ADK: variants seen among roughly 807,000 people sequenced by gnomAD.
The protein encoded by ADK is adenosine kinase.
Under a neutral mutation model 44.7 loss-of-function variants are expected in ADK, and 24 were observed. The ratio of observed to expected loss-of-function variants is 0.54; its 90% CI spans 0.39 to 0.76. The LOEUF (loss-of-function observed/expected upper bound fraction) is 0.76, where lower values mean the gene tolerates loss of function less well. Among genes scored for constraint, ADK ranks in the 30% least tolerant of loss-of-function variants. The pLI is 0.00. For synonymous variants in ADK, 128 were observed against 142.6 expected (o/e 0.90, Z 0.73); for missense variants, 321 against 425.1 (o/e 0.76, Z 2.15).
At chr10:74,234,109 T>G (rs1844876616) in intron 3 of ADK, among the ~76,000 whole-genome samples, 2 of 152,224 alleles carry the variant, frequency 1.3e-5, no homozygotes. Flanking sequence ...CCAACACTAT[T>G]TCCCCTTAAG....
chr10:74,476,550 A>G (rs552038846), intron 6 of ADK, among the ~76,000 whole-genome samples: 2 of 152,192 alleles, frequency 1.3e-5, no homozygotes, highest in Admixed American at 6.5e-5. Context: ...ACCAGAATAC[A>G]ATGCTTATAT....
At chr10:74,501,507 C>A (rs1299859533) in intron 6 of ADK, among the ~76,000 whole-genome samples, 1 of 152,160 alleles carries the variant, frequency 6.6e-6, no homozygotes, top group East Asian at 1.9e-4. Flanking sequence ...TTCAGAATAT[C>A]CCTTTAAATC....
intron 9 of ADK, among the ~76,000 whole-genome samples, chr10:74,652,631 G>A (rs1232217023): frequency 1.3e-5 from 2 of 151,560 alleles, no homozygotes; most frequent in African/African-American, 4.8e-5. Context: ...GTAGTGGTGG[G>A]CGCCTATAAT....
chr10:74,291,643 T>C (rs930863444), intron 3 of ADK, among the ~76,000 whole-genome samples: 1 of 151,786 alleles, frequency 6.6e-6, no homozygotes. Context: ...TATTGAAGTA[T>C]TGATTTTTTT....
At chr10:74,413,338 CTT>C (rs1844252810) in intron 6 of ADK, among the ~76,000 whole-genome samples, 1 of 152,150 alleles carries the variant, frequency 6.6e-6, no homozygotes, top group South Asian at 2.1e-4. Context: ...GTAGAAGACT[CTT>C]TTGTCTATGT....
intron 6 of ADK, among the ~76,000 whole-genome samples, chr10:74,504,755 C>A (rs1208292818): frequency 6.6e-6 from 1 of 151,948 alleles, no homozygotes; most frequent in Non-Finnish European, 1.5e-5. Flanking sequence ...CTCGTGGAAC[C>A]TGTTAGTTTT....
At chr10:74,479,789 C>A (rs950792615) in intron 6 of ADK, among the ~76,000 whole-genome samples, 14 of 152,074 alleles carry the variant, frequency 9.2e-5, no homozygotes, top group African/African-American at 3.4e-4. Context: ...TCCTTTGATT[C>A]TCACCTATTA....
At chr10:74,204,333 A>C (rs1245238317) in intron 2 of ADK, among the ~76,000 whole-genome samples, 5 of 152,122 alleles carry the variant, frequency 3.3e-5, no homozygotes, top group African/African-American at 1.2e-4. Context: ...GGTTAAATTT[A>C]ATTTTATTAT....
In ADK at chr10:74,189,971, T is replaced by G. The variant is rs146357897; in HGVS notation, c.66-10793T>G. 3.4e-3 allele frequency among the ~76,000 whole-genome samples: 519 copies of G among 152,336 alleles called. 1 individual carries two copies. Among genetic ancestry groups the G allele is most frequent in the African/African-American group, 0.012 (480 of 41,582 alleles). Reference sequence around the variant, plus strand: ...GAAATAATATTTCATTGTATAGATATGCCCCAATTTATCCATTTATCACTT... The same window carrying G: ...GAAATAATATTTCATTGTATAGATAGGCCCCAATTTATCCATTTATCACTT... On this transcript the variant is annotated intron_variant, in intron 1 of 10. Transcript: ENST00000539909.
At chr10:74,692,843 T>C (rs1856042758) in intron 10 of ADK, among the ~76,000 whole-genome samples, 1 of 152,210 alleles carries the variant, frequency 6.6e-6, no homozygotes. Flanking sequence ...AAGTACACTC[T>C]GATGTTTTCA....
chr10:74,364,940 GAC>G (rs1417021876), intron 4 of ADK, among the ~76,000 whole-genome samples: 1 of 151,774 alleles, frequency 6.6e-6, no homozygotes, highest in Non-Finnish European at 1.5e-5. Flanking sequence ...TAGATTACAG[GAC>G]AATTTTCCTC....
At chr10:74,662,872 C>T (rs528389687) in intron 9 of ADK, among the ~76,000 whole-genome samples, 1 of 152,288 alleles carries the variant, frequency 6.6e-6, no homozygotes, top group Non-Finnish European at 1.5e-5. Context: ...TGTAAATTAA[C>T]TCCCCTCCCT....
At chr10:74,359,909 A>G (rs1410757560) in intron 4 of ADK, among the ~76,000 whole-genome samples, 1 of 151,640 alleles carries the variant, frequency 6.6e-6, no homozygotes, top group Non-Finnish European at 1.5e-5. Flanking sequence ...GCTATTGTAA[A>G]TGGTTTGCTT....
intron 1 of ADK, 82 bp downstream of exon 1, chr10:74,151,425 C>A: frequency 6.9e-7 from 1 of 1,445,418 alleles, no homozygotes; most frequent in Non-Finnish European, 9.5e-7. Context: ...GGCCCCGACG[C>A]TGGGTGGTGT....
In ADK at chr10:74,181,291, ACTTTT is replaced by A. The variant is rs980257169; in HGVS notation, c.66-19467_66-19463del. Among the ~76,000 whole-genome samples, 55 of 151,804 alleles carry A rather than the reference ACTTTT, an allele frequency of 3.6e-4. 1 individual carries two copies. The highest frequency in any genetic ancestry group is 7.4e-5 in the Non-Finnish European group (5 of 67,970). ...TCCTAAATAATAATTTTAAATGAAA[ACTTTT>A]CTTTTTTTTTAACTTAAGATCTTTG... On this transcript the variant is annotated intron_variant, in intron 1 of 10. Transcript: ENST00000539909.
At chr10:74,673,268 A>C (rs1227923467) in intron 10 of ADK, among the ~76,000 whole-genome samples, 1 of 152,260 alleles carries the variant, frequency 6.6e-6, no homozygotes, top group Non-Finnish European at 1.5e-5. Context: ...ACAGAGATAC[A>C]GAAAGCCAGA....
intron 6 of ADK, among the ~76,000 whole-genome samples, chr10:74,487,959 A>T (rs146961058): frequency 7.9e-5 from 12 of 152,160 alleles, no homozygotes; most frequent in African/African-American, 2.2e-4. Context: ...CACCCTCACC[A>T]AGTGATTCAG....
intron 9 of ADK, among the ~76,000 whole-genome samples, chr10:74,620,393 T>G (rs531143471): frequency 6.6e-6 from 1 of 152,360 alleles, no homozygotes; most frequent in Non-Finnish European, 1.5e-5. Flanking sequence ...CCTGGCTTAT[T>G]TCATGTAACA....
chr10:74,230,562 T>C (rs1180936757), intron 3 of ADK, among the ~76,000 whole-genome samples: 2 of 152,058 alleles, frequency 1.3e-5, no homozygotes, highest in Non-Finnish European at 2.9e-5. Flanking sequence ...GTCTTGTTTT[T>C]AGAGATGAGG....
Sources: gnomAD v4.1 joint callset for allele counts (sites outside exome capture counted in the v4.1 genomes callset) on GRCh38, gnomAD v4.1.1 for gene constraint, MANE v1.5 for transcripts, NCBI Gene and HGNC (gene_info 2026-07-23, HGNC 2026-07-21) for gene names.